The following DLG2 variants were observed in gnomAD, a reference collection of about 807,000 sequenced individuals.
The protein encoded by DLG2 is disks large homolog 2.
A neutral mutation model predicts 132.5 loss-of-function variants in DLG2; 45 were observed. That is an observed-to-expected ratio of 0.34 (90% CI 0.27 to 0.44). DLG2 has a LOEUF of 0.44. DLG2 is among the 20% of genes least tolerant of loss of function. The pLI, the probability that DLG2 is intolerant of heterozygous loss-of-function variation, is 1.00. For synonymous variants in DLG2, 424 were observed against 419.6 expected (o/e 1.01, Z -0.13); for missense variants, 1,045 against 1,196.9 (o/e 0.87, Z 1.87).
intron 3 of DLG2, among the ~76,000 whole-genome samples, chr11:85,377,803 A>ATATATGTGTGTG (rs35141583): frequency 1.5e-5 from 2 of 131,292 alleles, no homozygotes; most frequent in Non-Finnish European, 3.2e-5. Context: ...ATATATATAT[A>ATATATGTGTGTG]TGTGTGTGTG....
intron 7 of DLG2, among the ~76,000 whole-genome samples, chr11:84,351,526 T>G (rs2098571119): frequency 6.6e-6 from 1 of 152,210 alleles, no homozygotes; most frequent in African/African-American, 2.4e-5. Context: ...GTCTTTTACC[T>G]TAAAAAATAT....
chr11:84,288,495 G>T (rs940112148), intron 7 of DLG2, among the ~76,000 whole-genome samples: 1 of 152,072 alleles, frequency 6.6e-6, no homozygotes, highest in Non-Finnish European at 1.5e-5. Flanking sequence ...GTTAAAATAA[G>T]TATTTAGATT....
chr11:84,583,139 A>G (rs193019960), intron 6 of DLG2, among the ~76,000 whole-genome samples: 5 of 152,334 alleles, frequency 3.3e-5, no homozygotes, highest in Admixed American at 3.3e-4. Flanking sequence ...GATCCTATCA[A>G]TGACAGTTCA....
intron 18 of DLG2, among the ~76,000 whole-genome samples, chr11:83,648,996 G>A (rs938966022): frequency 6.6e-6 from 1 of 152,124 alleles, no homozygotes; most frequent in Non-Finnish European, 1.5e-5. Flanking sequence ...TGAACTCAAT[G>A]TGTTGCTAAA....
At chr11:83,946,207 C>T (rs1451631914) in intron 14 of DLG2, among the ~76,000 whole-genome samples, 6 of 152,140 alleles carry the variant, frequency 3.9e-5, no homozygotes, top group East Asian at 1.9e-4. Context: ...CCAGGCTCGT[C>T]GAACTCCTGA....
At chr11:85,488,489 A>T (rs1444724107) in intron 3 of DLG2, among the ~76,000 whole-genome samples, 2 of 152,090 alleles carry the variant, frequency 1.3e-5, no homozygotes, top group Non-Finnish European at 2.9e-5. Flanking sequence ...AAGTCCAATT[A>T]AGTCCAATTA....
chr11:84,047,907 A>C (rs1229427703), intron 11 of DLG2, among the ~76,000 whole-genome samples: 1 of 151,588 alleles, frequency 6.6e-6, no homozygotes, highest in Non-Finnish European at 1.5e-5. Flanking sequence ...TTACAGTGGC[A>C]ATATTTGTAG....
chr11:84,582,634 C>T (rs2099519344), intron 6 of DLG2, among the ~76,000 whole-genome samples: 2 of 151,596 alleles, frequency 1.3e-5, no homozygotes, highest in African/African-American at 4.8e-5. Flanking sequence ...CAGTTATAGA[C>T]ATAAAATTGT....
At chr11:84,262,430 TG>T (rs1465528209) in intron 7 of DLG2, among the ~76,000 whole-genome samples, 8 of 152,124 alleles carry the variant, frequency 5.3e-5, no homozygotes, top group African/African-American at 1.9e-4. Context: ...AGATAAAATG[TG>T]AGAATATATC....
At chr11:84,502,640 C>T (rs914797915) in intron 7 of DLG2, among the ~76,000 whole-genome samples, 5 of 151,682 alleles carry the variant, frequency 3.3e-5, no homozygotes, top group Non-Finnish European at 5.9e-5. Context: ...TGACATGATC[C>T]ACCTGCCTCA....
intron 11 of DLG2, among the ~76,000 whole-genome samples, chr11:84,040,998 T>A (rs1017500186): frequency 6.6e-6 from 1 of 151,570 alleles, no homozygotes; most frequent in Non-Finnish European, 1.5e-5. Flanking sequence ...GAATGGGAGT[T>A]CACTCATGAT....
intron 21 of DLG2, among the ~76,000 whole-genome samples, chr11:83,507,494 C>T (rs942118639): frequency 1.4e-5 from 2 of 144,638 alleles, no homozygotes; most frequent in East Asian, 2.0e-4. Context: ...CATATATATA[C>T]ACATATATAT....
chr11:83,913,567 C>T (rs1027775366), intron 15 of DLG2, among the ~76,000 whole-genome samples: 1 of 151,900 alleles, frequency 6.6e-6, no homozygotes, highest in Non-Finnish European at 1.5e-5. Flanking sequence ...GGAGGAGGTC[C>T]CCTCACCCAT....
chr11:83,868,633 A>G (rs557921589), intron 16 of DLG2, among the ~76,000 whole-genome samples: 15 of 152,206 alleles, frequency 9.9e-5, no homozygotes, highest in African/African-American at 3.6e-4. Flanking sequence ...CCTTTACCCA[A>G]CTTGCTTCTC....
chr11:84,182,882 CTAA>C (rs1317183659), intron 8 of DLG2, among the ~76,000 whole-genome samples: 1 of 151,968 alleles, frequency 6.6e-6, no homozygotes, highest in Non-Finnish European at 1.5e-5. Context: ...GACAAAATTG[CTAA>C]TATTAGAAAA....
chr11:84,804,639 C>T (rs2075791588), intron 6 of DLG2, among the ~76,000 whole-genome samples: 1 of 152,174 alleles, frequency 6.6e-6, no homozygotes, highest in Non-Finnish European at 1.5e-5. Context: ...AACAGAGGCA[C>T]ACAAGAACAG....
intron 7 of DLG2, among the ~76,000 whole-genome samples, chr11:84,323,952 G>T (rs115954352): frequency 1.1e-4 from 17 of 151,816 alleles, no homozygotes; most frequent in African/African-American, 4.1e-4. Context: ...ATCTATTTTG[G>T]ATATTAAGCC....
intron 4 of DLG2, among the ~76,000 whole-genome samples, chr11:85,241,217 A>G (rs61348020): frequency 0.03 from 4,618 of 151,758 alleles, 138 homozygotes; most frequent in East Asian, 0.11. Flanking sequence ...TTTAGACATG[A>G]AGTTGATTTT....
intron 3 of DLG2, among the ~76,000 whole-genome samples, chr11:85,456,085 A>G (rs1339797870): frequency 6.6e-6 from 1 of 152,090 alleles, no homozygotes; most frequent in Non-Finnish European, 1.5e-5. Context: ...GTTGAATTCA[A>G]CTGTGAATCT....
Sources: allele counts gnomAD v4.1 joint callset (sites outside exome capture counted in the v4.1 genomes callset), GRCh38; gene constraint gnomAD v4.1.1; transcripts MANE v1.5; gene names NCBI Gene and HGNC (gene_info 2026-07-23, HGNC 2026-07-21).